COL17A1: variants seen among roughly 807,000 people sequenced by gnomAD.
COL17A1 encodes collagen type XVII alpha 1 chain.
Under a neutral mutation model 218.4 loss-of-function variants are expected in COL17A1, and 181 were observed. That is an observed-to-expected ratio of 0.83 (90% confidence interval 0.73 to 0.94). The LOEUF (loss-of-function observed/expected upper bound fraction) is 0.94. Ranked by LOEUF, COL17A1 falls within the 40% of genes least tolerant of loss-of-function variation. The pLI is 0.00. For synonymous variants in COL17A1, 721 were observed against 731.0 expected, an observed-to-expected ratio of 0.99 and a Z score of 0.22; for missense variants, 1,924 against 1,945.9, an observed-to-expected ratio of 0.99 and a Z score of 0.21.
chr10:104,033,216 G>A (rs1589553942), intron 53 of COL17A1, 22 bp downstream of exon 53: 1 of 1,575,100 alleles, frequency 6.3e-7, no homozygotes, highest in East Asian at 2.3e-5. Context: ...CAGGTGCTGG[G>A]AAAGCAGTTG....
At chr10:104,067,879 A>G (rs2086640169) in intron 9 of COL17A1, among the ~76,000 whole-genome samples, 1 of 152,212 alleles carries the variant, frequency 6.6e-6, no homozygotes, top group African/African-American at 2.4e-5. Flanking sequence ...CGAAAGAGAA[A>G]GAGACGGGAA....
chr10:104,080,740 A>T, intron 1 of COL17A1, 56 bp from the exon 2 acceptor site: 1 of 1,571,798 alleles, frequency 6.4e-7, no homozygotes. Flanking sequence ...TTTAGTAATT[A>T]TAGGTCCCCA....
intron 32 of COL17A1, 31 bp downstream of exon 32, chr10:104,046,716 G>A (rs995439412): frequency 6.2e-7 from 1 of 1,612,392 alleles, no homozygotes; most frequent in African/African-American, 1.3e-5. Flanking sequence ...GAAGGTGGGA[G>A]ACAGCAGGTG....
intron 5 of COL17A1, among the ~76,000 whole-genome samples, chr10:104,074,936 G>A (rs1177337870): frequency 1.3e-5 from 2 of 152,148 alleles, no homozygotes; most frequent in African/African-American, 4.8e-5. Flanking sequence ...AGATCACCAG[G>A]AACTCCAGGA....
At chr10:104,034,516 C>T in intron 51 of COL17A1, 105 bp downstream of exon 51, 1 of 1,529,302 alleles carries the variant, frequency 6.5e-7, no homozygotes, top group Non-Finnish European at 8.8e-7. Context: ...CCACCAGTGG[C>T]TCTCGTGTGG....
intron 48 of COL17A1, among the ~76,000 whole-genome samples, chr10:104,035,947 AGT>A (rs1286908675): frequency 9.8e-5 from 2 of 20,508 alleles, no homozygotes; most frequent in Admixed American, 6.3e-4. Context: ...AGTGTATGGG[AGT>A]GTGAGTACAG....
At chr10:104,034,355 T>C (rs1314858967) in intron 51 of COL17A1, 21 bp from the exon 52 acceptor site, 21 of 1,539,172 alleles carry the variant, frequency 1.4e-5, no homozygotes, top group East Asian at 2.4e-5. Flanking sequence ...AGAAGCTGCA[T>C]GAGTGGGAGC....
Position 104,032,263 on chromosome 10 carries a change from C to T in COL17A1, c.4466G>A (p.Arg1489Lys), listed in dbSNP as rs144719079. The change falls in exon 56 of 56, where the codon AGG (arginine) becomes AAG (lysine). Residue 1489 changes from arginine (R) to lysine (K), a missense_variant. Coordinates refer to ENST00000648076, the MANE Select transcript of COL17A1 (RefSeq NM_000494.4). ...KGDQVYAGRR[R>K]RRSIAVKP is the part of the protein sequence containing the mutation. The stretch of plus-strand genomic sequence containing the variant: ...CGGCTTGACAGCAATACTTCTTCTC[C>T]TTCTCCGCCCAGCATAGACTTGGTC... The T allele has an allele frequency of 3.1e-6, 5 of 1,613,946 alleles. No individual in the cohort carries two copies. The highest frequency in any genetic ancestry group is 4.2e-6 in the Non-Finnish European group (5 of 1,179,924).
At chr10:104,075,384 C>T (rs1156242340) in intron 5 of COL17A1, among the ~76,000 whole-genome samples, 2 of 152,136 alleles carry the variant, frequency 1.3e-5, no homozygotes, top group Admixed American at 1.3e-4. Context: ...GTTGGCACCA[C>T]CAAGAACCCA....
chr10:104,070,272 T>G (rs2086658519), intron 9 of COL17A1, among the ~76,000 whole-genome samples, 154 bp downstream of exon 9: 1 of 152,232 alleles, frequency 6.6e-6, no homozygotes, highest in Non-Finnish European at 1.5e-5. Flanking sequence ...AGGTTGCTAT[T>G]AGGGAAAGCC....
Position 104,078,546 on chromosome 10 carries a change from T to C in COL17A1, c.93A>G (p.Pro31=), listed in dbSNP as rs141808001. Reference sequence around the variant, plus strand: ...GCTATTGAGGTAGTTACTTACTTGGTGGTAAGGATGTAAGTCTTGTGGTTA... The same window carrying C: ...GCTATTGAGGTAGTTACTTACTTGGCGGTAAGGATGTAAGTCTTGTGGTTA... ...ETVTTRLTSL[P]PKGGTSNGYA... The change falls in exon 3 of 56, where the codon CCA becomes CCG. Residue 31 remains proline (P), a synonymous_variant. Transcript: ENST00000648076. 327 of 1,614,120 alleles carry C rather than the reference T, an allele frequency of 2.0e-4. 3 individuals are homozygous for C. In the East Asian group the frequency reaches 6.9e-3, roughly 34 times the overall value.
intron 25 of COL17A1, among the ~76,000 whole-genome samples, chr10:104,051,265 T>G (rs1322295835): frequency 6.6e-6 from 1 of 151,914 alleles, no homozygotes; most frequent in Non-Finnish European, 1.5e-5. Flanking sequence ...TGCTGGAGGG[T>G]CTCAAGCCCT....
intron 19 of COL17A1, 161 bp from the exon 20 acceptor site, chr10:104,055,168 T>C: frequency 6.8e-7 from 1 of 1,460,444 alleles, no homozygotes; most frequent in South Asian, 1.2e-5. Flanking sequence ...TCATTTGGGC[T>C]CATTGCTGGG....
chr10:104,037,684 T>C lies in COL17A1; in HGVS notation c.3160A>G (p.Thr1054Ala), dbSNP rs1192364599. Residue 1054 changes from threonine (T) to alanine (A), a missense_variant, in exon 46 of 56, where the codon ACT becomes GCT. Coordinates refer to ENST00000648076, the MANE Select transcript of COL17A1 (RefSeq NM_000494.4). ...CTTGCCAGCTCTGAGTAGTCGAAAG[T>C]CTCGCCTGTGATGGTGGTGACAGGT... ...PGPVTTITGE[T>A]FDYSELASHV... 6.2e-7 allele frequency: 1 copy of C among 1,614,110 alleles called. No individual in the cohort carries two copies. Among genetic ancestry groups the C allele is most frequent in the Admixed American group, 1.7e-5 (1 of 60,024 alleles).
At chr10:104,044,251 G>A (rs1482695933) in intron 33 of COL17A1, among the ~76,000 whole-genome samples, 1 of 152,258 alleles carries the variant, frequency 6.6e-6, no homozygotes, top group African/African-American at 2.4e-5. Context: ...CCGCCAGGTA[G>A]AGCGGGATTC....
At position 104,036,494 on chromosome 10, in the gene COL17A1, G is replaced by A. The variant is rs779255297; in HGVS notation, c.3416C>T (p.Ser1139Leu). Residue 1139 changes from serine to leucine, a missense_variant and splice_region_variant, in exon 48 of 56, where the codon TCG (serine) becomes TTG (leucine). Ser to Leu is a moderately radical substitution (Grantham distance 145, BLOSUM62 -2). Coordinates refer to ENST00000648076, the MANE Select transcript of COL17A1 (RefSeq NM_000494.4). Reference protein sequence around the residue: ...ELSSRILSYMSSSGISIGLPG... With the variant: ...ELSSRILSYMLSSGISIGLPG... ...CCACCCCTCCTGCAGACACTTACTC[G>A]ACATGTAGCTGAGAATGCGACTACT... is the stretch of plus-strand genomic sequence containing the variant. 4 of 1,613,760 alleles carry A rather than the reference G, an allele frequency of 2.5e-6. No individual in the cohort carries two copies. In the East Asian group the frequency reaches 6.7e-5, roughly 27 times the overall value.
At position 104,064,544 on chromosome 10, in the gene COL17A1, C is replaced by T. The variant is rs1285287976; in HGVS notation, c.660G>A (p.Val220=). The T allele has an allele frequency of 1.2e-6, 2 of 1,614,000 alleles. No homozygotes were observed. The highest frequency in any genetic ancestry group is 1.1e-5 in the South Asian group (1 of 91,050). Residue 220 remains valine, a synonymous_variant, in exon 10 of 56, where the codon GTG becomes GTA. Coordinates refer to ENST00000648076, the MANE Select transcript of COL17A1 (RefSeq NM_000494.4). ...TILDANLPSH[V]WSSTLPAGSS... ...ACCCCGCGGGCAGGGTGGAGGACCA[C>T]ACATGGGAGGGAAGGTTGGCATCCA...
chr10:104,046,814 G>A lies in COL17A1; in HGVS notation c.2336-41C>T, dbSNP rs771815842. The A allele has an allele frequency of 1.8e-5, 29 of 1,605,962 alleles. No individual in the cohort carries two copies. In the East Asian group the frequency reaches 6.1e-4, roughly 34 times the overall value. On this transcript the variant is annotated intron_variant, in intron 31 of 55. Coordinates refer to ENST00000648076, the MANE Select transcript of COL17A1 (RefSeq NM_000494.4). ...CACAAGAGGGAAGAGTTGAAGGGTG[G>A]AGGCCATCCCTGGTAGCCACACCCA...
intron 12 of COL17A1, 120 bp downstream of exon 12, chr10:104,062,138 G>A: frequency 1.4e-6 from 2 of 1,459,562 alleles, no homozygotes; most frequent in Non-Finnish European, 1.9e-6. Flanking sequence ...TGAGTGTTGT[G>A]TCTTTGGTGG....
Sources: allele counts gnomAD v4.1 joint callset (sites outside exome capture counted in the v4.1 genomes callset), GRCh38; gene constraint gnomAD v4.1.1; transcripts MANE v1.5; gene names NCBI Gene and HGNC (gene_info 2026-07-23, HGNC 2026-07-21).